KIF1A: variants seen among roughly 807,000 people sequenced by gnomAD.
The protein encoded by KIF1A is kinesin family member 1A.
KIF1A carries 46 observed loss-of-function variants against 227.3 expected under a neutral mutation model. That is an observed-to-expected ratio of 0.20 (90% CI 0.16 to 0.26). KIF1A has a LOEUF of 0.26. Among genes scored for constraint, KIF1A ranks in the 10% least tolerant of loss-of-function variants. The pLI is 1.00. For synonymous variants in KIF1A, 1,022 were observed against 1,012.8 expected (o/e 1.01, Z -0.17); for missense variants, 1,683 against 2,485.9 (o/e 0.68, Z 6.87).
At chr2:240,812,873 T>A (rs1485565704) in intron 1 of KIF1A, among the ~76,000 whole-genome samples, 1 of 96,622 alleles carries the variant, frequency 1.0e-5, no homozygotes, top group Non-Finnish European at 2.0e-5. Context: ...GGATCAGCCT[T>A]CACTCGGGGA....
chr2:240,785,911 G>C (rs111878834), intron 6 of KIF1A, among the ~76,000 whole-genome samples: 4 of 152,322 alleles, frequency 2.6e-5, no homozygotes, highest in Non-Finnish European at 5.9e-5. Flanking sequence ...GCCCAGGGCA[G>C]CAGAGGCCAA....
At position 240,757,542 on chromosome 2, in the gene KIF1A, C is replaced by T. The variant is rs1462719171; in HGVS notation, c.2635G>A (p.Glu879Lys). 6 of 1,550,544 alleles carry T rather than the reference C, an allele frequency of 3.9e-6. No individual in the cohort carries two copies. Among genetic ancestry groups the T allele is most frequent in the South Asian group, 1.2e-5 (1 of 84,038 alleles). The stretch of plus-strand genomic sequence containing the variant: ...GAGGGGGTGAGAGCAGCCATGCGCT[C>T]GCTCATGCATGTGTTGAGAAGAGGG... ...SYPLLNTCMS[E>K]RMAALTPSPT... is the part of the protein sequence containing the mutation. The change falls in exon 27 of 49, where the codon GAG becomes AAG. Residue 879 changes from glutamate (E) to lysine (K), a missense_variant. Transcript: ENST00000498729. This position sits in a 1 kb window ranked among gnomAD's most constrained non-coding sequence, Gnocchi z 6.2.
At chr2:240,779,804 C>T (rs962948620) in intron 10 of KIF1A, among the ~76,000 whole-genome samples, 38 of 152,248 alleles carry the variant, frequency 2.5e-4, no homozygotes, top group Admixed American at 1.7e-3. Flanking sequence ...CACGCTTCCT[C>T]GCACGGTTCT....
chr2:240,780,203 C>A (rs969790078), intron 10 of KIF1A, among the ~76,000 whole-genome samples: 1 of 151,976 alleles, frequency 6.6e-6, no homozygotes, highest in South Asian at 2.1e-4. Context: ...ACCCGCCTGG[C>A]CCCCCGCAGT....
intron 38 of KIF1A, among the ~76,000 whole-genome samples, chr2:240,734,386 G>A (rs1389526806): frequency 2.6e-5 from 4 of 152,282 alleles, no homozygotes; most frequent in South Asian, 4.1e-4. Flanking sequence ...GGTGTGGCGC[G>A]GGGCAGGCAA....
At chr2:240,815,936 C>A (rs986768077) in intron 1 of KIF1A, among the ~76,000 whole-genome samples, 2 of 152,120 alleles carry the variant, frequency 1.3e-5, no homozygotes, top group Admixed American at 6.5e-5. Flanking sequence ...ACATGAGGTG[C>A]ACAGTGCAGG....
intron 11 of KIF1A, among the ~76,000 whole-genome samples, chr2:240,774,578 G>C (rs959846128): frequency 6.6e-6 from 1 of 151,384 alleles, no homozygotes; most frequent in African/African-American, 2.4e-5. Flanking sequence ...AGTTGTGGAG[G>C]GTTTTAAAGT....
At chr2:240,721,975 G>T in intron 43 of KIF1A, 91 bp from the exon 44 acceptor site, 2 of 1,074,056 alleles carry the variant, frequency 1.9e-6, no homozygotes, top group South Asian at 2.7e-5. Context: ...CCCCTCCCCA[G>T]ACACAGGTGG....
At chr2:240,738,465 C>T (rs1399271393) in intron 37 of KIF1A, among the ~76,000 whole-genome samples, 2 of 152,198 alleles carry the variant, frequency 1.3e-5, no homozygotes, top group Admixed American at 1.3e-4. Context: ...GGGAGGGATG[C>T]TGAGCTTGGA....
intron 16 of KIF1A, among the ~76,000 whole-genome samples, 158 bp from the exon 17 acceptor site, chr2:240,769,366 T>C (rs573339680): frequency 6.6e-6 from 1 of 152,354 alleles, no homozygotes; most frequent in Admixed American, 6.5e-5. Flanking sequence ...CATCTGCTGA[T>C]GGGACTGGCC....
intron 38 of KIF1A, among the ~76,000 whole-genome samples, chr2:240,729,025 G>C (rs774882792): frequency 1.3e-5 from 2 of 152,158 alleles, no homozygotes; most frequent in African/African-American, 2.4e-5. Flanking sequence ...TCCCTGTCTG[G>C]AACACGTCAG....
At position 240,789,211 on chromosome 2, in the gene KIF1A, C is replaced by T; in HGVS notation, c.183+25G>A. On this transcript the variant is annotated intron_variant, in intron 3 of 48. Coordinates refer to ENST00000498729, the MANE Select transcript of KIF1A (RefSeq NM_001244008.2). The surrounding 1 kb of genome is among the most constrained non-coding windows in gnomAD (Gnocchi z 4.8). ...GGCCTATGCACTGCTGCCCCCGCCT[C>T]CCCCGACCCGGGGTCCCGGCTTACT... The T allele has an allele frequency of 6.2e-7, 1 of 1,602,614 alleles. No individual in the cohort carries two copies. Among genetic ancestry groups the T allele is most frequent in the Non-Finnish European group, 8.5e-7 (1 of 1,169,664 alleles).
intron 1 of KIF1A, among the ~76,000 whole-genome samples, chr2:240,800,473 G>C (rs1575658733): frequency 6.6e-6 from 1 of 152,220 alleles, no homozygotes; most frequent in East Asian, 1.9e-4. Flanking sequence ...GCCAAGACGG[G>C]AGCTGGCCTC....
At chr2:240,798,054 C>G (rs1446405081) in intron 1 of KIF1A, 4 of 303,154 alleles carry the variant, frequency 1.3e-5, no homozygotes, top group Non-Finnish European at 2.5e-5. Context: ...ACAAAAGAAA[C>G]AGAAACACAG....
chr2:240,777,706 C>T (rs868574842), intron 10 of KIF1A, among the ~76,000 whole-genome samples: 13 of 152,330 alleles, frequency 8.5e-5, no homozygotes, highest in African/African-American at 1.2e-4. Flanking sequence ...AACACCCGCC[C>T]GCTGCTGCCA....
rs2048714162 is a variant in KIF1A at position 240,747,294 on chromosome 2, G to A, written c.3005C>T (p.Ser1002Phe). Residue 1002 changes from serine to phenylalanine, a missense_variant, in exon 29 of 49, where the codon TCT becomes TTT. By Grantham distance (155) the Ser-to-Phe change is radical (BLOSUM62 -2). Coordinates refer to ENST00000498729, the MANE Select transcript of KIF1A (RefSeq NM_001244008.2). ...AGCAGTTCCCGACTGGCGGACGCCA[G>A]AGCCATAATCAGGGGCCTCTTCATC... The part of the protein sequence containing the change: ...SADEEAPDYG[S>F]GVRQSGTAKI... The A allele has an allele frequency of 6.2e-7, 1 of 1,613,368 alleles. No homozygotes were observed. Among genetic ancestry groups the A allele is most frequent in the African/African-American group, 1.3e-5 (1 of 74,916 alleles).
Position 240,793,285 on chromosome 2 carries a change from C to G in KIF1A, c.107-3973G>C, listed in dbSNP as rs1410030351. Among the ~76,000 whole-genome samples, 2 of 152,214 alleles carry G rather than the reference C, an allele frequency of 1.3e-5. No individual in the cohort carries two copies. The highest frequency in any genetic ancestry group is 3.8e-4 in the East Asian group (2 of 5,200). On this transcript the variant is annotated intron_variant, in intron 2 of 48. Transcript: ENST00000498729. The surrounding 1 kb of genome is among the most constrained non-coding windows in gnomAD (Gnocchi z 4.8). ...CCTCCTCTGCATGGCCAGAAGAGTGCAGATATGATTGGGGACCTCAGGGAG... is the reference window on the plus strand; with the variant it reads ...CCTCCTCTGCATGGCCAGAAGAGTGGAGATATGATTGGGGACCTCAGGGAG...
At chr2:240,735,996 G>A (rs760537295) in intron 38 of KIF1A, among the ~76,000 whole-genome samples, 4 of 144,372 alleles carry the variant, frequency 2.8e-5, no homozygotes, top group South Asian at 2.2e-4. Context: ...ACTGTTCAGC[G>A]CTGTGCCCAC....
rs937669842 is a variant in KIF1A, at chr2:240,737,244, G to A, written c.3902-76C>T. 3.5e-6 allele frequency: 4 copies of A among 1,133,938 alleles called. No homozygotes were observed. In the Admixed American group the frequency reaches 6.8e-5, roughly 19 times the overall value. The allele number at this position is 1,133,938 out of a possible 1,614,324, so 70.2% of individuals were successfully genotyped here. On this transcript the variant is annotated intron_variant, in intron 37 of 48. Transcript: ENST00000498729. The stretch of plus-strand genomic sequence containing the variant: ...CCCTGGGGGGCTGCCTCAGGTGGGG[G>A]TCCTGTCAGCAAGCCAGCTCCCCAC...
Sources: gnomAD v4.1 joint callset for allele counts (sites outside exome capture counted in the v4.1 genomes callset) on GRCh38, gnomAD v4.1.1 for gene constraint, Gnocchi (gnomAD v3.1) non-coding constraint, MANE v1.5 for transcripts, NCBI Gene and HGNC (gene_info 2026-07-23, HGNC 2026-07-21) for gene names.